Variants in PIGU observed in about 807,000 individuals in gnomAD.
PIGU encodes GPI-anchor transamidase component PIGU.
PIGU carries 24 observed loss-of-function variants against 49.9 expected under a neutral mutation model. The observed-to-expected ratio is 0.48, with a 90% CI of 0.35 to 0.68. The LOEUF (loss-of-function observed/expected upper bound fraction) is 0.68, where lower values mean the gene tolerates loss of function less well. Among genes scored for constraint, PIGU ranks in the 30% least tolerant of loss-of-function variants. The pLI, the probability that PIGU is intolerant of heterozygous loss-of-function variation, is 0.01. For missense variants in PIGU, 490 were observed against 532.6 expected (o/e 0.92, Z 0.79); for synonymous variants, 220 against 205.7 (o/e 1.07, Z -0.59).
chr20:34,580,782 A>G lies in PIGU; in HGVS notation c.1051+766T>C, dbSNP rs368305703. On this transcript the variant is annotated intron_variant, in intron 10 of 11. Coordinates refer to ENST00000217446, the MANE Select transcript of PIGU (RefSeq NM_080476.5). ...GATATCTACCCTGACGGAGCCCCCA[A>G]ACAATGAAAAGAACCCACCATAGAG... Among the ~76,000 whole-genome samples, 42 of 152,328 alleles carry G rather than the reference A, an allele frequency of 2.8e-4. No individual in the cohort carries two copies. The East Asian group carries it at 6.8e-3, about 24-fold the overall frequency.
chr20:34,645,131 AC>A (rs1256053167), intron 3 of PIGU, 143 bp downstream of exon 3: 1 of 833,094 alleles, frequency 1.2e-6, no homozygotes, highest in African/African-American at 1.8e-5. Context: ...AAATGGGAGG[AC>A]CACTTAAGTC....
intron 6 of PIGU, among the ~76,000 whole-genome samples, chr20:34,631,715 G>A (rs1399140579): frequency 7.2e-5 from 6 of 82,776 alleles, no homozygotes; most frequent in African/African-American, 2.0e-4. Context: ...CACCATGTCC[G>A]GCTAACCATA....
chr20:34,590,173 C>CA (rs1391784683), intron 7 of PIGU, among the ~76,000 whole-genome samples: 2 of 147,758 alleles, frequency 1.4e-5, no homozygotes, highest in South Asian at 2.1e-4. Context: ...TACCAGAAAA[C>CA]AAAAAAACCA....
chr20:34,638,106 C>A, intron 4 of PIGU, 121 bp from the exon 5 acceptor site: 1 of 1,390,176 alleles, frequency 7.2e-7, no homozygotes, highest in Non-Finnish European at 9.3e-7. Flanking sequence ...CTGGCCCTAC[C>A]TCTCCAGGCT....
At chr20:34,588,030 G>T (rs1211409278) in intron 8 of PIGU, among the ~76,000 whole-genome samples, 1 of 152,162 alleles carries the variant, frequency 6.6e-6, no homozygotes, top group African/African-American at 2.4e-5. Context: ...ACTTTGGGAG[G>T]CCAAGGCAGA....
chr20:34,659,248 A>T (rs1431238762), intron 1 of PIGU, among the ~76,000 whole-genome samples: 1 of 89,672 alleles, frequency 1.1e-5, no homozygotes, highest in Non-Finnish European at 2.3e-5. Context: ...TCCGGGAGGG[A>T]GGTGGGGGGG....
chr20:34,662,890 A>G (rs1415398510), intron 1 of PIGU, among the ~76,000 whole-genome samples: 1 of 152,116 alleles, frequency 6.6e-6, no homozygotes, highest in Non-Finnish European at 1.5e-5. Context: ...TTATTTTACA[A>G]TTATTCAAAA....
chr20:34,562,987 G>A (rs951747430), intron 11 of PIGU, among the ~76,000 whole-genome samples: 13 of 152,288 alleles, frequency 8.5e-5, no homozygotes, highest in Admixed American at 6.5e-4. Context: ...CAATCAAAAC[G>A]AAGCAACTCC....
chr20:34,618,594 C>A (rs1287516598), intron 6 of PIGU, among the ~76,000 whole-genome samples: 1 of 152,022 alleles, frequency 6.6e-6, no homozygotes, highest in African/African-American at 2.4e-5. Flanking sequence ...CTAGCTTGGG[C>A]AACATAGTAA....
intron 11 of PIGU, among the ~76,000 whole-genome samples, chr20:34,568,265 G>C (rs1982860630): frequency 6.6e-6 from 1 of 152,138 alleles, no homozygotes; most frequent in Non-Finnish European, 1.5e-5. Flanking sequence ...TCTGGTTGTT[G>C]GGGAGGAGAA....
intron 1 of PIGU, among the ~76,000 whole-genome samples, chr20:34,657,937 TC>T (rs1986755439): frequency 6.6e-6 from 1 of 151,814 alleles, no homozygotes; most frequent in South Asian, 2.1e-4. Context: ...CCTCTCCCTC[TC>T]CCTCTCCCTC....
chr20:34,593,582 A>G (rs1984080247), intron 7 of PIGU, among the ~76,000 whole-genome samples: 1 of 152,218 alleles, frequency 6.6e-6, no homozygotes, highest in East Asian at 1.9e-4. Context: ...ACATATGGCA[A>G]TTTAGTATAT....
intron 4 of PIGU, among the ~76,000 whole-genome samples, chr20:34,640,987 G>C (rs541690292): frequency 1.9e-4 from 29 of 152,200 alleles, no homozygotes; most frequent in African/African-American, 7.0e-4. Flanking sequence ...TCCGCCTCCC[G>C]GGTTCAAGTG....
chr20:34,662,797 T>C (rs1234715676), intron 1 of PIGU, among the ~76,000 whole-genome samples: 1 of 152,258 alleles, frequency 6.6e-6, no homozygotes, highest in Non-Finnish European at 1.5e-5. Flanking sequence ...ATGTTCACAA[T>C]GACCATTTCT....
At chr20:34,671,302 C>A (rs1462501403) in intron 1 of PIGU, among the ~76,000 whole-genome samples, 1 of 151,964 alleles carries the variant, frequency 6.6e-6, no homozygotes, top group African/African-American at 2.4e-5. Context: ...TTGCTCGTTG[C>A]CCAGGCTGGA....
At chr20:34,670,501 G>C (rs915606893) in intron 1 of PIGU, among the ~76,000 whole-genome samples, 3 of 149,842 alleles carry the variant, frequency 2.0e-5, no homozygotes, top group East Asian at 4.0e-4. Flanking sequence ...GGCCATAAAG[G>C]CTTTTTTAAG....
intron 11 of PIGU, among the ~76,000 whole-genome samples, chr20:34,573,770 G>A (rs542326186): frequency 5.8e-4 from 89 of 152,372 alleles, no homozygotes; most frequent in Non-Finnish European, 1.0e-3. Flanking sequence ...GAGAGGCTGC[G>A]CATCCACCAA....
intron 7 of PIGU, among the ~76,000 whole-genome samples, chr20:34,597,294 C>A (rs1221273983): frequency 6.6e-6 from 1 of 152,004 alleles, no homozygotes; most frequent in Non-Finnish European, 1.5e-5. Context: ...CAAAAAACAC[C>A]CAGCAATAAA....
intron 6 of PIGU, among the ~76,000 whole-genome samples, chr20:34,625,021 A>T (rs1404343784): frequency 4.6e-5 from 7 of 152,222 alleles, no homozygotes; most frequent in Admixed American, 3.9e-4. Context: ...TCGTCTTATC[A>T]ATCAAGTTAA....
Sources: allele counts gnomAD v4.1 joint callset (sites outside exome capture counted in the v4.1 genomes callset), GRCh38; gene constraint gnomAD v4.1.1; transcripts MANE v1.5; gene names NCBI Gene and HGNC (gene_info 2026-07-23, HGNC 2026-07-21).